The following CSMD1 variants were observed in gnomAD, a reference collection of about 807,000 sequenced individuals.
The protein encoded by CSMD1 is CUB and Sushi multiple domains 1.
In CSMD1, 213 loss-of-function variants were observed where a neutral mutation model predicts 417.5. That is an observed-to-expected ratio of 0.51 (90% CI 0.46 to 0.57). The LOEUF (loss-of-function observed/expected upper bound fraction) is 0.57, where lower values mean the gene tolerates loss of function less well. Among genes scored for constraint, CSMD1 ranks in the 20% least tolerant of loss-of-function variants. The pLI, the probability that CSMD1 is intolerant of heterozygous loss-of-function variation, is 0.00. For synonymous variants in CSMD1, 2,862 were observed against 1,736.8 expected (o/e 1.65, Z -16.11); for missense variants, 6,923 against 4,529.7 (o/e 1.53, Z -15.17).
chr8:4,885,683 A>G (rs1030608410), intron 1 of CSMD1, among the ~76,000 whole-genome samples: 1 of 151,474 alleles, frequency 6.6e-6, no homozygotes, highest in Admixed American at 6.6e-5. Flanking sequence ...ATATAAAACT[A>G]TTTTTAATAT....
At chr8:3,084,164 C>T (rs1397515659) in intron 49 of CSMD1, among the ~76,000 whole-genome samples, 1 of 152,094 alleles carries the variant, frequency 6.6e-6, no homozygotes, top group Admixed American at 6.5e-5. Context: ...CCCACAAAGT[C>T]TCTTTCTGTC....
chr8:4,770,918 C>T (rs756364904), intron 1 of CSMD1, among the ~76,000 whole-genome samples: 1 of 152,006 alleles, frequency 6.6e-6, no homozygotes, highest in Non-Finnish European at 1.5e-5. Context: ...ATATATCACA[C>T]CAAAAATTCA....
chr8:4,991,695 G>A (rs572989461), intron 1 of CSMD1, among the ~76,000 whole-genome samples: 1 of 152,218 alleles, frequency 6.6e-6, no homozygotes, highest in East Asian at 1.9e-4. Context: ...GACGCCCCCG[G>A]GGGGAGGCCC....
chr8:3,873,336 A>C (rs1394936492), intron 5 of CSMD1, among the ~76,000 whole-genome samples: 1 of 152,176 alleles, frequency 6.6e-6, no homozygotes, highest in Non-Finnish European at 1.5e-5. Flanking sequence ...GGATAAAGAA[A>C]ATGTGATATG....
At position 4,267,130 on chromosome 8, in the gene CSMD1, G is replaced by C; in HGVS notation, c.415+152823C>G. Among the ~76,000 whole-genome samples, 2 of 102,224 alleles carry C rather than the reference G, an allele frequency of 2.0e-5. 1 individual carries two copies. Among genetic ancestry groups the C allele is most frequent in the East Asian group, 5.2e-4 (2 of 3,820 alleles). 67.1% of individuals were successfully genotyped at this position (102,224 alleles called of 152,430 possible). ...AAGTGCTTTCTAATGCAATTAGTTG[G>C]GAGAATTAAATAAGTATAATTATTT... On this transcript the variant is annotated intron_variant, in intron 3 of 69. Coordinates refer to ENST00000635120, the MANE Select transcript of CSMD1 (RefSeq NM_033225.6).
intron 1 of CSMD1, among the ~76,000 whole-genome samples, chr8:4,713,905 G>A (rs1012169592): frequency 1.3e-5 from 2 of 152,164 alleles, no homozygotes; most frequent in African/African-American, 4.8e-5. Context: ...GGCTTGTGGG[G>A]AGGCCGAGGA....
intron 28 of CSMD1, among the ~76,000 whole-genome samples, chr8:3,222,324 T>G (rs111709100): frequency 0.041 from 6,200 of 151,934 alleles, 185 homozygotes; most frequent in Non-Finnish European, 0.065. Flanking sequence ...CAATTTCATT[T>G]TTTTTTTTAA....
intron 1 of CSMD1, among the ~76,000 whole-genome samples, chr8:4,847,738 C>T (rs1801225286): frequency 6.6e-6 from 1 of 151,314 alleles, no homozygotes; most frequent in African/African-American, 2.4e-5. Flanking sequence ...GTTTTCAGGA[C>T]CGTTGGTCAG....
chr8:3,380,419 A>C (rs981247817), intron 18 of CSMD1, among the ~76,000 whole-genome samples: 15 of 152,192 alleles, frequency 9.9e-5, no homozygotes, highest in African/African-American at 3.6e-4. Flanking sequence ...AAATCATTCT[A>C]CTATGAAGAC....
chr8:4,203,008 C>G (rs897427599), intron 3 of CSMD1, among the ~76,000 whole-genome samples: 1 of 152,152 alleles, frequency 6.6e-6, no homozygotes, highest in African/African-American at 2.4e-5. Flanking sequence ...ATTCCCAGAA[C>G]CTGTGACTAT....
intron 2 of CSMD1, among the ~76,000 whole-genome samples, chr8:4,435,926 T>A (rs913378271): frequency 6.6e-6 from 1 of 152,160 alleles, no homozygotes; most frequent in Non-Finnish European, 1.5e-5. Flanking sequence ...ATAATTAGAA[T>A]TTTAACCAAA....
intron 52 of CSMD1, among the ~76,000 whole-genome samples, chr8:3,002,124 A>C (rs1204007661): frequency 6.6e-6 from 1 of 152,216 alleles, no homozygotes; most frequent in East Asian, 1.9e-4. Context: ...CAATCGGATC[A>C]ATAAGTCAGT....
intron 33 of CSMD1, among the ~76,000 whole-genome samples, chr8:3,196,037 A>G (rs1796684868): frequency 6.6e-6 from 1 of 152,180 alleles, no homozygotes; most frequent in Non-Finnish European, 1.5e-5. Flanking sequence ...CACAAGGTAT[A>G]GATCACAAAG....
intron 46 of CSMD1, among the ~76,000 whole-genome samples, chr8:3,101,893 C>A (rs189029425): frequency 6.8e-6 from 1 of 146,256 alleles, no homozygotes; most frequent in Non-Finnish European, 1.5e-5. Flanking sequence ...CCTCCACATG[C>A]GGGGTTCAAG....
intron 3 of CSMD1, among the ~76,000 whole-genome samples, chr8:4,081,916 T>A (rs147075369): frequency 6.6e-6 from 1 of 152,168 alleles, no homozygotes; most frequent in African/African-American, 2.4e-5. Context: ...TGGGGGAGTG[T>A]GTAGCTTAAA....
At chr8:4,989,264 G>A (rs183339508) in intron 1 of CSMD1, among the ~76,000 whole-genome samples, 251 of 152,042 alleles carry the variant, frequency 1.7e-3, no homozygotes, top group Non-Finnish European at 2.6e-3. Context: ...ATCCATGCCA[G>A]GTCTACAGTA....
chr8:4,727,196 G>T (rs374042355), intron 1 of CSMD1, among the ~76,000 whole-genome samples: 3 of 152,234 alleles, frequency 2.0e-5, no homozygotes, highest in Middle Eastern at 3.4e-3. Flanking sequence ...CTCTGAGAAA[G>T]GACTGATCAA....
At chr8:3,660,380 A>G (rs1006371003) in intron 7 of CSMD1, among the ~76,000 whole-genome samples, 2 of 152,158 alleles carry the variant, frequency 1.3e-5, no homozygotes. Flanking sequence ...CAGCACAGAA[A>G]AAGTAATCCA....
At chr8:4,104,261 C>G (rs1012110073) in intron 3 of CSMD1, among the ~76,000 whole-genome samples, 2 of 152,192 alleles carry the variant, frequency 1.3e-5, no homozygotes, top group Admixed American at 6.5e-5. Flanking sequence ...AATGATTTAT[C>G]TCACTCCATC....
Sources: gnomAD v4.1 joint callset for allele counts (sites outside exome capture counted in the v4.1 genomes callset) on GRCh38, gnomAD v4.1.1 for gene constraint, MANE v1.5 for transcripts, NCBI Gene and HGNC (gene_info 2026-07-23, HGNC 2026-07-21) for gene names.